Variants in FCRL6 observed in about 807,000 individuals in gnomAD.
FCRL6 encodes the protein Fc receptor like 6, also known as Fc receptor-like protein 6.
FCRL6 carries 50 observed loss-of-function variants against 49.1 expected under a neutral mutation model. The ratio of observed to expected loss-of-function variants is 1.02; its 90% CI spans 0.81 to 1.29. The LOEUF is 1.29. FCRL6 is among the 50% of genes most tolerant of loss of function. The pLI is 0.00. For missense variants in FCRL6, 571 were observed against 518.5 expected, an observed-to-expected ratio of 1.10 and a Z score of -0.98; for synonymous variants, 213 against 199.6, an observed-to-expected ratio of 1.07 and a Z score of -0.57.
At chr1:159,800,895 G>A (rs895863287), upstream of FCRL6, among the ~76,000 whole-genome samples, 19 of 152,180 alleles carry the variant, frequency 1.2e-4, no homozygotes, top group African/African-American at 4.6e-4. Context: ...GCATGGTGGT[G>A]CATGCCTGTA....
chr1:159,800,905 A>C (rs2101721971), upstream of FCRL6, among the ~76,000 whole-genome samples: 1 of 152,344 alleles, frequency 6.6e-6, no homozygotes, highest in South Asian at 2.1e-4. Context: ...GCATGCCTGT[A>C]ATCCCAGCTA....
At chr1:159,814,145 C>T in intron 7 of FCRL6, 76 bp from the exon 8 acceptor site, 2 of 1,367,722 alleles carry the variant, frequency 1.5e-6, no homozygotes, top group Non-Finnish European at 2.1e-6. Context: ...GGGCTTCTCT[C>T]CATGTCTTCA....
chr1:159,815,344 A>G, intron 8 of FCRL6, 84 bp from the exon 9 acceptor site: 1 of 1,466,338 alleles, frequency 6.8e-7, no homozygotes, highest in Non-Finnish European at 9.3e-7. Flanking sequence ...TTCTAGAGGA[A>G]GATAGCCAGC....
chr1:159,800,638 C>G (rs1571079263), upstream of FCRL6: 1 of 1,542,682 alleles, frequency 6.5e-7, no homozygotes, highest in African/African-American at 1.4e-5. Flanking sequence ...TTTCTACTTC[C>G]TACTTTACTT....
In FCRL6 at chr1:159,809,167, G is replaced by T. The variant is rs371203584; in HGVS notation, c.526G>T (p.Gly176Trp). The change falls in exon 4 of 10, where the codon GGG (glycine) becomes TGG (tryptophan). Residue 176 changes from glycine to tryptophan, a missense_variant. Gly to Trp is a radical substitution (Grantham distance 184, BLOSUM62 -2). Transcript: ENST00000368106. ...CIPGAKEGDS[G>W]LYWCEVAPEG... ...CCCGGGAGCCAAGGAGGGAGACTCTGGGCTTTACTGGTGTGAGGTGGCCCC... is the reference window on the plus strand; with the variant it reads ...CCCGGGAGCCAAGGAGGGAGACTCTTGGCTTTACTGGTGTGAGGTGGCCCC... The T allele has an allele frequency of 6.9e-5, 112 of 1,613,046 alleles. No individual in the cohort carries two copies. The highest frequency in any genetic ancestry group is 8.9e-5 in the Non-Finnish European group (105 of 1,179,546).
At position 159,811,005 on chromosome 1, in the gene FCRL6, T is replaced by C. The variant is rs555012522; in HGVS notation, c.1009+789T>C. Among the ~76,000 whole-genome samples, 3 of 152,220 alleles carry C rather than the reference T, an allele frequency of 2.0e-5. No individual in the cohort carries two copies. In the South Asian group the frequency reaches 6.2e-4, roughly 32 times the overall value. On this transcript the variant is annotated intron_variant, in intron 6 of 9. Transcript: ENST00000368106. ...TTCCCAGGCTGCCCTTTCTCCTCTG[T>C]GCATTCTCTAATGCTTCTAATCAAA... is the stretch of plus-strand genomic sequence containing the variant.
At chr1:159,812,962 C>T (rs537908377) in intron 6 of FCRL6, among the ~76,000 whole-genome samples, 3 of 152,202 alleles carry the variant, frequency 2.0e-5, no homozygotes, top group African/African-American at 4.8e-5. Context: ...ATAGAAGTCG[C>T]CTCTCCCAGC....
intron 6 of FCRL6, among the ~76,000 whole-genome samples, chr1:159,812,903 G>A (rs2101758360): frequency 6.6e-6 from 1 of 152,286 alleles, no homozygotes; most frequent in Admixed American, 6.5e-5. Context: ...TAGAGAAAAG[G>A]CATGCAAACC....
At chr1:159,805,962 C>T (rs558065876) in intron 1 of FCRL6, among the ~76,000 whole-genome samples, 6 of 152,150 alleles carry the variant, frequency 3.9e-5, no homozygotes, top group Non-Finnish European at 8.8e-5. Context: ...TGCTTCCCAC[C>T]TCGTACAATG....
chr1:159,812,834 T>C (rs1663166875), intron 6 of FCRL6, among the ~76,000 whole-genome samples: 1 of 152,134 alleles, frequency 6.6e-6, no homozygotes, highest in Admixed American at 6.6e-5. Context: ...TCAATTCCTA[T>C]CCCAAGAGTT....
chr1:159,809,340 G>A, intron 4 of FCRL6, 62 bp from the exon 5 acceptor site: 1 of 1,534,376 alleles, frequency 6.5e-7, no homozygotes, highest in Non-Finnish European at 8.8e-7. Flanking sequence ...GGGTCCCCAG[G>A]AGAGGAGGGA....
chr1:159,815,681 A>C lies in FCRL6; in HGVS notation c.*20A>C. The C allele has an allele frequency of 6.2e-7, 1 of 1,613,504 alleles. No homozygotes were observed. The highest frequency in any genetic ancestry group is 8.5e-7 in the Non-Finnish European group (1 of 1,179,938). On this transcript the variant is annotated 3_prime_UTR_variant, in exon 10 of 10. Coordinates refer to ENST00000368106, the MANE Select transcript of FCRL6 (RefSeq NM_001004310.3). The stretch of plus-strand genomic sequence containing the variant: ...TGCTAGTGATGGTGTTCTCCTATCA[A>C]CACACGCCCACCCCCAGTCTCCAGT...
At chr1:159,806,385 G>T (rs1314358235) in intron 1 of FCRL6, among the ~76,000 whole-genome samples, 1 of 151,952 alleles carries the variant, frequency 6.6e-6, no homozygotes, top group East Asian at 1.9e-4. Context: ...TGGATGGTTG[G>T]GTGGTTGGAT....
rs759626035 is a variant in FCRL6, at chr1:159,815,659, T to C, written c.1303T>C (p.Ter435GlnextTer1). 8 of 1,614,120 alleles carry C rather than the reference T, an allele frequency of 5.0e-6. No individual in the cohort carries two copies. The highest frequency in any genetic ancestry group is 6.8e-6 in the Non-Finnish European group (8 of 1,180,022). Reference sequence around the variant, plus strand: ...TAGCGACTGTGAGGAGGTTCTCTGCTAGTGATGGTGTTCTCCTATCAACAC... The same window carrying C: ...TAGCGACTGTGAGGAGGTTCTCTGCCAGTGATGGTGTTCTCCTATCAACAC... ...PLSDCEEVLC[*>Q] The change falls in exon 10 of 10, where the codon TAG (stop) becomes CAG (glutamine). Residue 435 changes from the stop codon to glutamine (Q), a stop_lost. Transcript: ENST00000368106.
At chr1:159,811,036 T>A (rs1408905082) in intron 6 of FCRL6, among the ~76,000 whole-genome samples, 2 of 152,272 alleles carry the variant, frequency 1.3e-5, no homozygotes, top group African/African-American at 4.8e-5. Context: ...TCAAAATCAC[T>A]GAAAATAAAA....
In FCRL6 at chr1:159,810,112, C is replaced by T. The variant is rs947337304; in HGVS notation, c.905C>T (p.Thr302Ile). Reference protein sequence around the residue: ...LSLKGSQVLFTPASNWLVPWL... With the variant: ...LSLKGSQVLFIPASNWLVPWL... ...CTCCCAGGTTCTCAAGTCTTGTTCA[C>T]TCCCGCCAGCAACTGGCTGGTTCCT... is the stretch of plus-strand genomic sequence containing the variant. The change falls in exon 6 of 10, where the codon ACT (threonine) becomes ATT (isoleucine). Residue 302 changes from threonine (T) to isoleucine (I), a missense_variant. By Grantham distance (89) the Thr-to-Ile change is moderately conservative (BLOSUM62 -1). Coordinates refer to ENST00000368106, the MANE Select transcript of FCRL6 (RefSeq NM_001004310.3). The T allele has an allele frequency of 4.3e-6, 7 of 1,613,466 alleles. No individual in the cohort carries two copies. Among genetic ancestry groups the T allele is most frequent in the Non-Finnish European group, 5.9e-6 (7 of 1,179,742 alleles).
chr1:159,806,674 G>A, intron 2 of FCRL6, 58 bp downstream of exon 2: 1 of 1,565,810 alleles, frequency 6.4e-7, no homozygotes, highest in Non-Finnish European at 8.8e-7. Context: ...AAAACTTACT[G>A]GATGGGAACA....
At chr1:159,800,688 C>G, upstream of FCRL6, 2 of 1,326,278 alleles carry the variant, frequency 1.5e-6, no homozygotes, top group South Asian at 2.6e-5. Flanking sequence ...ACTGAGTCAC[C>G]GAAAAAAATG....
At chr1:159,806,471 A>G in intron 1 of FCRL6, 125 bp from the exon 2 acceptor site, 1 of 818,816 alleles carries the variant, frequency 1.2e-6, no homozygotes, top group Non-Finnish European at 2.2e-6. Flanking sequence ...ATGGGTGGCT[A>G]GGAGGTTTGG....
Sources: allele counts gnomAD v4.1 joint callset (sites outside exome capture counted in the v4.1 genomes callset), GRCh38; gene constraint gnomAD v4.1.1; transcripts MANE v1.5; gene names NCBI Gene and HGNC (gene_info 2026-07-23, HGNC 2026-07-21).